GNA14: variants seen among roughly 807,000 people sequenced by gnomAD.
GNA14 encodes the protein G protein subunit alpha 14.
Under a neutral mutation model 42.0 loss-of-function variants are expected in GNA14, and 50 were observed. The observed-to-expected ratio is 1.19, with a 90% CI of 0.95 to 1.51. The LOEUF (loss-of-function observed/expected upper bound fraction) is 1.51. Among genes scored for constraint, GNA14 ranks in the 40% most tolerant of loss-of-function variants. The pLI is 0.00. For synonymous variants in GNA14, 173 were observed against 163.1 expected (o/e 1.06, Z -0.46); for missense variants, 473 against 446.2 (o/e 1.06, Z -0.54).
intron 2 of GNA14, among the ~76,000 whole-genome samples, chr9:77,458,904 A>AGT (rs55765810): frequency 4.5e-5 from 6 of 134,410 alleles, no homozygotes; most frequent in Non-Finnish European, 8.2e-5. Flanking sequence ...CACAAGCTGG[A>AGT]GGGGGGGGGG....
At chr9:77,516,763 G>C (rs1183516184) in intron 2 of GNA14, among the ~76,000 whole-genome samples, 5 of 152,274 alleles carry the variant, frequency 3.3e-5, no homozygotes, top group African/African-American at 1.2e-4. Context: ...ATGTAACACA[G>C]GTCTTGACCT....
At chr9:77,489,803 G>A (rs1836729863) in intron 2 of GNA14, among the ~76,000 whole-genome samples, 1 of 152,172 alleles carries the variant, frequency 6.6e-6, no homozygotes, top group Non-Finnish European at 1.5e-5. Flanking sequence ...TTCGTGGTGA[G>A]TGTTACAGCT....
At chr9:77,544,990 C>T (rs1391829043) in intron 1 of GNA14, among the ~76,000 whole-genome samples, 2 of 151,956 alleles carry the variant, frequency 1.3e-5, no homozygotes, top group East Asian at 3.9e-4. Context: ...TTTCTCCTTG[C>T]ACAATTATGA....
Position 77,595,799 on chromosome 9 carries a change from CAA to C in GNA14, c.124+51869_124+51870del, listed in dbSNP as rs112831842. Reference sequence around the variant, plus strand: ...TCAAATTGCAACCATTGTATTCTCTCAAGAGAGAGAGAGATAAGACGCACTCA... The same window carrying C: ...TCAAATTGCAACCATTGTATTCTCTCGAGAGAGAGAGATAAGACGCACTCA... On this transcript the variant is annotated intron_variant, in intron 1 of 6. Transcript: ENST00000341700. Among the ~76,000 whole-genome samples the C allele has an allele frequency of 5.0e-3, 756 of 151,790 alleles. 4 individuals carry two copies. The highest frequency in any genetic ancestry group is 0.017 in the African/African-American group (704 of 41,076).
Position 77,568,502 on chromosome 9 carries a change from AAAAG to A in GNA14, c.125-39253_125-39250del, listed in dbSNP as rs1191336906. 1.7e-4 allele frequency among the ~76,000 whole-genome samples: 25 copies of A among 151,466 alleles called. 1 individual carries two copies. The highest frequency in any genetic ancestry group is 2.8e-4 in the Non-Finnish European group (19 of 67,906). On this transcript the variant is annotated intron_variant, in intron 1 of 6. Coordinates refer to ENST00000341700, the MANE Select transcript of GNA14 (RefSeq NM_004297.4). ...GAGAGACTCCATCTCAAAAAAAAAA[AAAAG>A]AAAGAAAGAAAGAAAGAATGTTAAC...
intron 2 of GNA14, among the ~76,000 whole-genome samples, chr9:77,448,580 A>G (rs899089535): frequency 6.6e-6 from 1 of 152,194 alleles, no homozygotes; most frequent in South Asian, 2.1e-4. Flanking sequence ...GTTTATCAGG[A>G]CATGATCCCA....
At chr9:77,536,558 C>T (rs1306321016) in intron 1 of GNA14, among the ~76,000 whole-genome samples, 1 of 152,182 alleles carries the variant, frequency 6.6e-6, no homozygotes. Flanking sequence ...ACCACGTTGG[C>T]CAGGCTGGTC....
chr9:77,473,146 A>T (rs1302019477), intron 2 of GNA14, among the ~76,000 whole-genome samples: 1 of 152,194 alleles, frequency 6.6e-6, no homozygotes, highest in East Asian at 1.9e-4. Flanking sequence ...AACTACAAAC[A>T]ATTGTTGGAA....
At chr9:77,608,189 T>A (rs1823669285) in intron 1 of GNA14, among the ~76,000 whole-genome samples, 1 of 152,234 alleles carries the variant, frequency 6.6e-6, no homozygotes, top group African/African-American at 2.4e-5. Flanking sequence ...CGAATTTTCC[T>A]TGCTAGGTTT....
rs190674320 is a variant in GNA14, at chr9:77,571,109, A to C, written c.125-41856T>G. ...GCTACCACAACTGCATGGTGCTAGT[A>C]GTAGCATTTAAACCTGAGTCAGTTA... is the stretch of plus-strand genomic sequence containing the variant. On this transcript the variant is annotated intron_variant, in intron 1 of 6. Coordinates refer to ENST00000341700, the MANE Select transcript of GNA14 (RefSeq NM_004297.4). 2.6e-5 allele frequency among the ~76,000 whole-genome samples: 4 copies of C among 152,350 alleles called. No homozygotes were observed. The East Asian group carries it at 5.8e-4, about 22-fold the overall frequency.
intron 6 of GNA14, 30 bp from the exon 7 acceptor site, chr9:77,424,199 G>A (rs1465937624): frequency 2.6e-6 from 4 of 1,511,580 alleles, no homozygotes; most frequent in Admixed American, 1.8e-5. Context: ...CAGGAATAAA[G>A]ACACAGACTT....
intron 1 of GNA14, among the ~76,000 whole-genome samples, chr9:77,568,826 C>A (rs1028662052): frequency 6.6e-6 from 1 of 152,198 alleles, no homozygotes; most frequent in Admixed American, 6.5e-5. Context: ...CTGCCTTCAG[C>A]AAACCCCCTT....
chr9:77,431,595 G>A (rs894962756), intron 3 of GNA14, 146 bp from the exon 4 acceptor site: 3 of 652,442 alleles, frequency 4.6e-6, no homozygotes, highest in Non-Finnish European at 7.8e-6. Flanking sequence ...GCCAGTGCCA[G>A]GCCAGGCTTC....
intron 1 of GNA14, chr9:77,635,124 A>C (rs1249528375): frequency 1.3e-5 from 2 of 152,066 alleles, no homozygotes; most frequent in African/African-American, 4.8e-5. Flanking sequence ...CATCACCCAA[A>C]CAGTGTACAC....
intron 2 of GNA14, among the ~76,000 whole-genome samples, chr9:77,473,515 A>AT (rs1836367466): frequency 6.6e-6 from 1 of 152,038 alleles, no homozygotes; most frequent in Non-Finnish European, 1.5e-5. Flanking sequence ...AAAACATCCC[A>AT]CATTCATGAA....
At chr9:77,642,548 T>A (rs1287480395) in intron 1 of GNA14, among the ~76,000 whole-genome samples, 1 of 152,094 alleles carries the variant, frequency 6.6e-6, no homozygotes, top group Non-Finnish European at 1.5e-5. Context: ...GGCAGATCAC[T>A]TGAGGTCAGG....
chr9:77,558,886 T>C (rs1355042713), intron 1 of GNA14, among the ~76,000 whole-genome samples: 1 of 149,634 alleles, frequency 6.7e-6, no homozygotes, highest in Non-Finnish European at 1.5e-5. Flanking sequence ...GTATCTCTTC[T>C]AGCAAGTACC....
rs574186240 is a variant in GNA14, at chr9:77,536,497, T to C, written c.125-7244A>G. Among the ~76,000 whole-genome samples, 7 of 152,260 alleles carry C rather than the reference T, an allele frequency of 4.6e-5. No homozygotes were observed. The South Asian group carries it at 1.4e-3, about 32-fold the overall frequency. On this transcript the variant is annotated intron_variant, in intron 1 of 6. Coordinates refer to ENST00000341700, the MANE Select transcript of GNA14 (RefSeq NM_004297.4). ...TCCCAAGCAGCTGGGATTACAAGCA[T>C]GCGCCACCACACCTGGCTAATTTTT... is the stretch of plus-strand genomic sequence containing the variant.
At chr9:77,452,590 G>GTGTGTAGTATCTGTGTA (rs1835925750) in intron 2 of GNA14, among the ~76,000 whole-genome samples, 1 of 132,560 alleles carries the variant, frequency 7.5e-6, no homozygotes, top group Non-Finnish European at 1.6e-5. Flanking sequence ...GTGTATGTGT[G>GTGTGTAGTATCTGTGTA]TGTGTGGTGT....
Sources: allele counts gnomAD v4.1 joint callset (sites outside exome capture counted in the v4.1 genomes callset), GRCh38; gene constraint gnomAD v4.1.1; transcripts MANE v1.5; gene names NCBI Gene and HGNC (gene_info 2026-07-23, HGNC 2026-07-21).